Variants in GABRA3 observed in about 807,000 individuals in gnomAD.
GABRA3 encodes the protein gamma-aminobutyric acid receptor subunit alpha-3.
GABRA3 carries 10 observed loss-of-function variants against 30.1 expected under a neutral mutation model. The ratio of observed to expected loss-of-function variants is 0.33; its 90% CI spans 0.20 to 0.56. The LOEUF is 0.56. GABRA3 is among the 20% of genes least tolerant of loss of function. The pLI, the probability that GABRA3 is intolerant of heterozygous loss-of-function variation, is 0.89. For missense variants in GABRA3, 233 were observed against 392.0 expected, an observed-to-expected ratio of 0.59 and a Z score of 3.42; for synonymous variants, 151 against 146.8, an observed-to-expected ratio of 1.03 and a Z score of -0.21.
intron 6 of GABRA3, among the ~76,000 whole-genome samples, chrX:152,212,170 G>A (rs1937635597): frequency 9.4e-6 from 1 of 105,885 alleles, no homozygotes; most frequent in African/African-American, 3.5e-5. Context: ...TGTAGCCCCA[G>A]CTGCTCAGGA....
chrX:152,444,494 A>C (rs548139499), intron 1 of GABRA3, among the ~76,000 whole-genome samples: 2 of 111,376 alleles, frequency 1.8e-5, no homozygotes, highest in African/African-American at 6.5e-5. Context: ...ATAACTTGCT[A>C]ACAACCAAGC....
At chrX:152,425,092 C>T (rs1930485511) in intron 1 of GABRA3, among the ~76,000 whole-genome samples, 1 of 106,616 alleles carries the variant, frequency 9.4e-6, no homozygotes, top group Admixed American at 1.0e-4. Context: ...TATGCTCCAT[C>T]ATGCTCAGCT....
chrX:152,403,985 G>A (rs1929863971), intron 1 of GABRA3, among the ~76,000 whole-genome samples: 1 of 110,806 alleles, frequency 9.0e-6, no homozygotes, highest in Non-Finnish European at 1.9e-5. Flanking sequence ...GAGAACTCAA[G>A]CAGAAAAAAA....
intron 5 of GABRA3, among the ~76,000 whole-genome samples, chrX:152,248,777 T>C (rs1938503487): frequency 8.9e-6 from 1 of 111,745 alleles, no homozygotes; most frequent in African/African-American, 3.2e-5. Context: ...TAGCTGACAA[T>C]AATGACGATA....
rs1286923177 is a variant in GABRA3 at position 152,168,456 on chromosome X, G to A, written c.1251C>T (p.Ser417=). ...LAKDTEFSTI[S]KGAAPSASST... ...AGGAGGCACTGGGAGCAGCGCCCTT[G>A]GAGATGGTGGAAAATTCAGTGTCCT... Residue 417 remains serine (S), a synonymous_variant, in exon 10 of 10, where the codon TCC becomes TCT. Coordinates refer to ENST00000370314, the MANE Select transcript of GABRA3 (RefSeq NM_000808.4). 8.3e-7 allele frequency: 1 copy of A among 1,209,782 alleles called. No homozygotes were observed. The highest frequency in any genetic ancestry group is 2.2e-5 in the Admixed American group (1 of 45,797).
intron 8 of GABRA3, among the ~76,000 whole-genome samples, chrX:152,194,741 G>A (rs966804482): frequency 1.8e-5 from 2 of 111,004 alleles, no homozygotes; most frequent in African/African-American, 6.6e-5. Context: ...ATATATGGCT[G>A]TATTTTAGGC....
intron 9 of GABRA3, among the ~76,000 whole-genome samples, chrX:152,183,499 A>G (rs1249787623): frequency 1.9e-5 from 2 of 107,405 alleles, no homozygotes; most frequent in Non-Finnish European, 3.9e-5. Flanking sequence ...TGAAAAAAAA[A>G]CACATCTTAG....
At chrX:152,184,828 A>T (rs1035340632) in intron 9 of GABRA3, among the ~76,000 whole-genome samples, 4 of 111,609 alleles carry the variant, frequency 3.6e-5, no homozygotes, top group African/African-American at 1.3e-4. Context: ...CAAAGGAAGC[A>T]GTGATAAAAA....
chrX:152,394,990 CAGATGG>C (rs1929617060), intron 1 of GABRA3, among the ~76,000 whole-genome samples: 1 of 111,097 alleles, frequency 9.0e-6, no homozygotes, highest in Non-Finnish European at 1.9e-5. Flanking sequence ...GACACAGGTG[CAGATGG>C]ACATGATATG....
chrX:152,302,297 G>T (rs1436265974), intron 3 of GABRA3, among the ~76,000 whole-genome samples: 1 of 110,243 alleles, frequency 9.1e-6, no homozygotes, highest in Non-Finnish European at 1.9e-5. Context: ...TGTACAAAAA[G>T]CATACTTTAA....
chrX:152,410,158 T>A lies in GABRA3; in HGVS notation c.-27+40988A>T, dbSNP rs1299832776. ...CATGTTCTCACTCATTTGTGAGAAC[T>A]AAAAATTAAAACAATTCAACTCACC... On this transcript the variant is annotated intron_variant, in intron 1 of 9. Coordinates refer to ENST00000370314, the MANE Select transcript of GABRA3 (RefSeq NM_000808.4). Among the ~76,000 whole-genome samples, 9 of 111,720 alleles carry A rather than the reference T, an allele frequency of 8.1e-5. No homozygotes were observed. In the Admixed American group the frequency reaches 8.6e-4, roughly 11 times the overall value.
At chrX:152,269,332 T>C (rs1938885076) in intron 4 of GABRA3, among the ~76,000 whole-genome samples, 1 of 111,683 alleles carries the variant, frequency 9.0e-6, no homozygotes, top group South Asian at 3.7e-4. Context: ...ATGAAAGGAA[T>C]TGAAGGGGCA....
chrX:152,214,530 C>A (rs58518322), intron 6 of GABRA3, among the ~76,000 whole-genome samples: 29,590 of 109,926 alleles, frequency 0.27, 3,400 homozygotes, highest in African/African-American at 0.42. Flanking sequence ...AGCTTTAATC[C>A]TTTTGCTCAG....
chrX:152,208,909 G>A (rs1937605734), intron 6 of GABRA3, among the ~76,000 whole-genome samples: 1 of 111,031 alleles, frequency 9.0e-6, no homozygotes, highest in African/African-American at 3.3e-5. Context: ...CTAGCTTCAG[G>A]TATTCCTTCA....
intron 2 of GABRA3, 24 bp downstream of exon 2, chrX:152,364,407 A>G (rs1928597006): frequency 8.4e-7 from 1 of 1,191,420 alleles, no homozygotes. Context: ...GTCTTCTTTC[A>G]TCCTAAGAGT....
intron 9 of GABRA3, among the ~76,000 whole-genome samples, chrX:152,182,384 TGTATATATACACTA>T (rs1207982496): frequency 1.0e-5 from 1 of 95,778 alleles, no homozygotes; most frequent in East Asian, 3.4e-4. Flanking sequence ...CTATATATAG[TGTATATATACACTA>T]GTATATATAG....
At chrX:152,402,439 G>A (rs895247847) in intron 1 of GABRA3, among the ~76,000 whole-genome samples, 17 of 111,846 alleles carry the variant, frequency 1.5e-4, no homozygotes, top group East Asian at 2.8e-4. Context: ...TAAATTAGCC[G>A]TAAGTTTTGG....
intron 1 of GABRA3, among the ~76,000 whole-genome samples, chrX:152,388,795 C>T (rs112778555): frequency 0.058 from 6,478 of 111,933 alleles, 187 homozygotes; most frequent in Non-Finnish European, 0.089. Context: ...TATACTAATA[C>T]ATGCTCAAGC....
chrX:152,374,042 A>T (rs1159004625), intron 1 of GABRA3, among the ~76,000 whole-genome samples: 2 of 110,808 alleles, frequency 1.8e-5, no homozygotes, highest in Non-Finnish European at 3.8e-5. Flanking sequence ...GGACATTTGC[A>T]TTTCTCTAAT....
Sources: allele counts gnomAD v4.1 joint callset (sites outside exome capture counted in the v4.1 genomes callset), GRCh38; gene constraint gnomAD v4.1.1; transcripts MANE v1.5; gene names NCBI Gene and HGNC (gene_info 2026-07-23, HGNC 2026-07-21).